The following ESYT2 variants were observed in gnomAD, a reference collection of about 807,000 sequenced individuals.
ESYT2 encodes extended synaptotagmin 2.
A neutral mutation model predicts 107.2 loss-of-function variants in ESYT2; 54 were observed. The observed-to-expected ratio is 0.50, with a 90% CI of 0.40 to 0.63. The LOEUF (loss-of-function observed/expected upper bound fraction) is 0.63. Ranked by LOEUF, ESYT2 falls within the 30% of genes least tolerant of loss-of-function variation. The pLI is 0.00. For missense variants in ESYT2, 1,020 were observed against 1,094.5 expected (o/e 0.93, Z 0.96); for synonymous variants, 491 against 434.1 (o/e 1.13, Z -1.63).
At chr7:158,752,666 CAATT>C (rs1313798454) in intron 14 of ESYT2, 111 bp downstream of exon 14, 7 of 579,434 alleles carry the variant, frequency 1.2e-5, no homozygotes, top group African/African-American at 3.9e-5. Context: ...TTCCACTAGA[CAATT>C]AATTACTACA....
chr7:158,792,367 A>T (rs1432101618), intron 4 of ESYT2, among the ~76,000 whole-genome samples: 5 of 151,378 alleles, frequency 3.3e-5, no homozygotes, highest in African/African-American at 9.7e-5. Context: ...CTACAAAAAA[A>T]AAATAAAAAA....
intron 6 of ESYT2, among the ~76,000 whole-genome samples, chr7:158,781,278 AGT>A (rs1838785640): frequency 7.4e-6 from 1 of 134,810 alleles, no homozygotes; most frequent in African/African-American, 2.8e-5. Flanking sequence ...TGAGTGAACG[AGT>A]GTGAGAACAG....
intron 17 of ESYT2, among the ~76,000 whole-genome samples, chr7:158,742,487 C>T (rs916959206): frequency 1.3e-5 from 2 of 152,232 alleles, no homozygotes; most frequent in African/African-American, 4.8e-5. Context: ...CGCATTTCCT[C>T]GACACAAGAC....
chr7:158,776,801 C>T (rs899657825), intron 6 of ESYT2, among the ~76,000 whole-genome samples: 21 of 151,680 alleles, frequency 1.4e-4, no homozygotes, highest in African/African-American at 4.8e-4. Context: ...AGCTTTCAGC[C>T]TGTGCTGGCT....
intron 18 of ESYT2, among the ~76,000 whole-genome samples, chr7:158,739,400 G>A (rs1837106954): frequency 6.6e-6 from 1 of 152,178 alleles, no homozygotes; most frequent in East Asian, 1.9e-4. Context: ...AGGCTGGAGT[G>A]CAATGGCGCA....
chr7:158,788,482 C>T, intron 4 of ESYT2, 65 bp from the exon 5 acceptor site: 4 of 1,320,688 alleles, frequency 3.0e-6, no homozygotes, highest in South Asian at 1.3e-5. Context: ...CATTATAGAC[C>T]TGCAAGATGT....
intron 6 of ESYT2, among the ~76,000 whole-genome samples, chr7:158,780,038 A>G (rs1838717817): frequency 6.6e-6 from 1 of 152,260 alleles, no homozygotes; most frequent in African/African-American, 2.4e-5. Context: ...GTCACTCAGA[A>G]TGACTACCTA....
At chr7:158,813,085 T>C (rs1840035451) in intron 1 of ESYT2, among the ~76,000 whole-genome samples, 1 of 152,158 alleles carries the variant, frequency 6.6e-6, no homozygotes, top group South Asian at 2.1e-4. Flanking sequence ...TTGAATTTAT[T>C]GCAATAAAAA....
At position 158,765,161 on chromosome 7, in the gene ESYT2, C is replaced by T. The variant is rs115783474; in HGVS notation, c.925-308G>A. On this transcript the variant is annotated intron_variant, in intron 8 of 22. Coordinates refer to ENST00000275418, the MANE Select transcript of ESYT2 (RefSeq NM_001367773.1). ...GAGGACAGACAGCCCCACGCAGCCC[C>T]AGAGCGCGCTCCTGGCAGAGGGACG... is the stretch of plus-strand genomic sequence containing the variant. 5.5e-3 allele frequency among the ~76,000 whole-genome samples: 840 copies of T among 152,146 alleles called. 9 individuals are homozygous for T. Among genetic ancestry groups the T allele is most frequent in the African/African-American group, 0.019 (803 of 41,498 alleles).
At chr7:158,814,228 C>G (rs979898566) in intron 1 of ESYT2, among the ~76,000 whole-genome samples, 2 of 149,258 alleles carry the variant, frequency 1.3e-5, no homozygotes, top group African/African-American at 5.0e-5. Flanking sequence ...GAGCCAAGAT[C>G]GCGCCACTGC....
At chr7:158,823,021 G>A (rs533893870) in intron 1 of ESYT2, among the ~76,000 whole-genome samples, 5 of 151,582 alleles carry the variant, frequency 3.3e-5, no homozygotes, top group Admixed American at 1.3e-4. Flanking sequence ...GGCCAGGCAT[G>A]GTGGCTCACG....
rs771853154 is a variant in ESYT2 at position 158,788,052 on chromosome 7, T to TC, written c.698dup (p.Asp234ArgfsTer14). 6.2e-7 allele frequency: 1 copy of TC among 1,614,128 alleles called. No homozygotes were observed. The highest frequency in any genetic ancestry group is 8.5e-7 in the Non-Finnish European group (1 of 1,179,982). Reference sequence around the variant, plus strand: ...ACAAAGCTCCAACTAAGGGCATATCTCCAATCAACGGTTCCAGGATCACCC... The same window carrying TC: ...ACAAAGCTCCAACTAAGGGCATATCTCCCAATCAACGGTTCCAGGATCACCC... On this transcript the variant is annotated frameshift_variant, in exon 6 of 23. Transcript: ENST00000275418. LOFTEE classifies it high-confidence loss of function.
chr7:158,757,337 G>A (rs534822669), intron 13 of ESYT2, among the ~76,000 whole-genome samples: 2 of 152,322 alleles, frequency 1.3e-5, no homozygotes, highest in Admixed American at 6.5e-5. Flanking sequence ...CTCACAAATA[G>A]TGCTCTATAG....
At chr7:158,798,599 T>C (rs1839540016) in intron 2 of ESYT2, among the ~76,000 whole-genome samples, 2 of 116,624 alleles carry the variant, frequency 1.7e-5, no homozygotes, top group South Asian at 5.8e-4. Flanking sequence ...TGAACCGAGA[T>C]CATGCCATTG....
At chr7:158,812,652 A>G (rs1163478318) in intron 1 of ESYT2, among the ~76,000 whole-genome samples, 1 of 152,256 alleles carries the variant, frequency 6.6e-6, no homozygotes, top group African/African-American at 2.4e-5. Context: ...ATGAATGTTC[A>G]TCGCAGCACC....
chr7:158,821,364 C>T (rs1161559007), intron 1 of ESYT2, among the ~76,000 whole-genome samples: 1 of 152,198 alleles, frequency 6.6e-6, no homozygotes, highest in East Asian at 1.9e-4. Context: ...GTACTCCCGG[C>T]TATTACAGTA....
chr7:158,773,652 G>A (rs1838450578), intron 6 of ESYT2, among the ~76,000 whole-genome samples: 1 of 152,106 alleles, frequency 6.6e-6, no homozygotes, highest in African/African-American at 2.4e-5. Flanking sequence ...TCCTATGGAT[G>A]GATACTTAGA....
At chr7:158,799,216 T>C (rs1312037425) in intron 1 of ESYT2, 144 bp from the exon 2 acceptor site, 7 of 720,126 alleles carry the variant, frequency 9.7e-6, no homozygotes, top group Non-Finnish European at 1.4e-5. Context: ...CTTGGGAAAC[T>C]GGTCTCCAAG....
At chr7:158,816,915 T>C (rs768875425) in intron 1 of ESYT2, among the ~76,000 whole-genome samples, 1 of 152,244 alleles carries the variant, frequency 6.6e-6, no homozygotes, top group African/African-American at 2.4e-5. Flanking sequence ...GATATTAATG[T>C]AGACGGTGTT....
Sources: gnomAD v4.1 joint callset for allele counts (sites outside exome capture counted in the v4.1 genomes callset) on GRCh38, gnomAD v4.1.1 for gene constraint, MANE v1.5 for transcripts, NCBI Gene and HGNC (gene_info 2026-07-23, HGNC 2026-07-21) for gene names.